Variants in KRTAP4-9 observed in about 807,000 individuals in gnomAD.
KRTAP4-9 encodes keratin-associated protein 4-9.
In KRTAP4-9, 4 loss-of-function variants were observed where a neutral mutation model predicts 4.3. The observed-to-expected ratio is 0.94, with a 90% CI of 0.46 to 2.15. The LOEUF (loss-of-function observed/expected upper bound fraction) is 2.15. Among genes scored for constraint, KRTAP4-9 ranks in the 30% most tolerant of loss-of-function variants. The pLI, the probability that KRTAP4-9 is intolerant of heterozygous loss-of-function variation, is 0.02. For synonymous variants in KRTAP4-9, 111 were observed against 99.2 expected (o/e 1.12, Z -0.70); for missense variants, 297 against 278.5 (o/e 1.07, Z -0.47).
At chr17:41,106,329 C>T in exon 1 of KRTAP4-9, 1 of 520,284 alleles carries the variant, frequency 1.9e-6, no homozygotes. Context: ...AGGTACAGAT[C>T]TTCTTCTCAG....
exon 1 of KRTAP4-9, chr17:41,105,616 G>T (rs779189231): frequency 7.6e-6 from 12 of 1,588,702 alleles, no homozygotes; most frequent in Non-Finnish European, 1.0e-5. Flanking sequence ...CCTGTTGCAG[G>T]ACCACCTGCT....
exon 1 of KRTAP4-9, chr17:41,105,910 C>T (rs576349808): frequency 6.2e-7 from 1 of 1,608,874 alleles, no homozygotes; most frequent in Non-Finnish European, 8.5e-7. Flanking sequence ...GCCCCTGCTG[C>T]TGCGTGCGTC....
chr17:41,105,621 C>G (rs1377604020), exon 1 of KRTAP4-9: 1 of 1,596,586 alleles, frequency 6.3e-7, no homozygotes, highest in East Asian at 2.4e-5. Context: ...TGCAGGACCA[C>G]CTGCTACCGC....
At chr17:41,106,232 T>G in exon 1 of KRTAP4-9, 2 of 857,216 alleles carry the variant, frequency 2.3e-6, no homozygotes, top group Non-Finnish European at 3.5e-6. Flanking sequence ...TTTCTTCCGG[T>G]GGTGGCACCA....
chr17:41,105,405 G>A, exon 1 of KRTAP4-9: 1 of 1,603,160 alleles, frequency 6.2e-7, no homozygotes, highest in Non-Finnish European at 8.5e-7. Flanking sequence ...AGCTCCTGTT[G>A]TGGCTCCGTG....
rs775147470 is a variant in KRTAP4-9, at chr17:41,106,008, C to T, written c.620C>T (p.Ser207Phe). The change falls in exon 1 of 1, where the codon TCC becomes TTC. Residue 207 changes from serine (S) to phenylalanine (F), a missense_variant. Physicochemically the swap from Ser to Phe is radical, Grantham distance 155. Coordinates refer to ENST00000391415, the Ensembl canonical transcript of KRTAP4-9. ...TGCCCCCGCCCCTTGTGCTGTGCCT[C>T]CTCTTGCTGCTGAGCCCACTGCCCT... 1.8e-5 allele frequency: 28 copies of T among 1,585,406 alleles called. No individual in the cohort carries two copies. The South Asian group carries it at 2.0e-4, about 11-fold the overall frequency.
At chr17:41,105,774 G>C in exon 1 of KRTAP4-9, 1 of 1,602,948 alleles carries the variant, frequency 6.2e-7, no homozygotes. Flanking sequence ...CGCCCCAGCT[G>C]CTGTGTGTCC....
chr17:41,105,676 G>C (rs758729043), exon 1 of KRTAP4-9: 1 of 1,565,058 alleles, frequency 6.4e-7, no homozygotes, highest in East Asian at 2.4e-5. Flanking sequence ...AGTGCTGCCA[G>C]CCTGCGTGCT....
chr17:41,105,829 C>T (rs777682515), exon 1 of KRTAP4-9: 10 of 1,610,422 alleles, frequency 6.2e-6, no homozygotes, highest in African/African-American at 2.7e-5. Flanking sequence ...GCTGCCAGCC[C>T]AACTGCTGCC....
chr17:41,106,109 G>C, exon 1 of KRTAP4-9: 1 of 1,473,136 alleles, frequency 6.8e-7, no homozygotes. Flanking sequence ...TACAGGAAGT[G>C]GGGTTGATGT....
In KRTAP4-9 at chr17:41,105,460, C is replaced by T. The variant is rs1018566554; in HGVS notation, c.72C>T (p.Cys24=). The T allele has an allele frequency of 5.0e-6, 8 of 1,611,094 alleles. No homozygotes were observed. In the African/African-American group the frequency reaches 8.0e-5, roughly 16 times the overall value. ...GCCAAGACCTCTGTCAGGAGACCTG[C>T]TGCCGCCCCAGCTGCTGTGAGACCA... The change falls in exon 1 of 1, where the codon TGC becomes TGT. Residue 24 remains cysteine (C), a synonymous_variant. Transcript: ENST00000391415.
At chr17:41,105,830 A>T (rs1423485746) in exon 1 of KRTAP4-9, 13 of 1,611,286 alleles carry the variant, frequency 8.1e-6, no homozygotes, top group Non-Finnish European at 1.1e-5. Flanking sequence ...CTGCCAGCCC[A>T]ACTGCTGCCG....
chr17:41,106,306 CT>C (rs2014091483), exon 1 of KRTAP4-9: 1 of 587,724 alleles, frequency 1.7e-6, no homozygotes, highest in Admixed American at 3.6e-5. Context: ...TCCTCATTTT[CT>C]TTATCACTTT....
exon 1 of KRTAP4-9, chr17:41,106,441 A>C: frequency 4.6e-6 from 1 of 216,586 alleles, no homozygotes; most frequent in Non-Finnish European, 1.0e-5. Flanking sequence ...TGAATTTCTT[A>C]TGCTTTGTTG....
chr17:41,106,062 A>G (rs1434633051), exon 1 of KRTAP4-9: 1 of 1,535,948 alleles, frequency 6.5e-7, no homozygotes, highest in Admixed American at 2.0e-5. Flanking sequence ...CCACTGGCCC[A>G]CAGATGTAGA....
chr17:41,106,102 A>C, exon 1 of KRTAP4-9: 1 of 1,482,372 alleles, frequency 6.7e-7, no homozygotes, highest in South Asian at 1.4e-5. Context: ...ATTAGGATAC[A>C]GGAAGTGGGG....
exon 1 of KRTAP4-9, chr17:41,105,456 C>T (rs775992423): frequency 2.5e-6 from 4 of 1,610,788 alleles, no homozygotes; most frequent in East Asian, 2.2e-5. Context: ...TGTCAGGAGA[C>T]CTGCTGCCGC....
chr17:41,105,963 C>A, exon 1 of KRTAP4-9: 1 of 1,602,520 alleles, frequency 6.2e-7, no homozygotes, highest in South Asian at 1.1e-5. Context: ...TGCTATCGCC[C>A]AACCTGTGTC....
exon 1 of KRTAP4-9, chr17:41,105,799 C>G (rs753272233): frequency 6.8e-6 from 11 of 1,611,170 alleles, no homozygotes; most frequent in Non-Finnish European, 9.3e-6. Flanking sequence ...GCTGCAAGCC[C>G]CAGTGCTGCC....
Sources: allele counts gnomAD v4.1 joint callset, GRCh38; gene constraint gnomAD v4.1.1; transcripts MANE v1.5; gene names NCBI Gene and HGNC (gene_info 2026-07-23, HGNC 2026-07-21).